The following WDR70 variants were observed in gnomAD, a reference collection of about 807,000 sequenced individuals.
WDR70 encodes the protein WD repeat domain 70.
WDR70 carries 53 observed loss-of-function variants against 88.6 expected under a neutral mutation model. The observed-to-expected ratio is 0.60, with a 90% CI of 0.48 to 0.75. WDR70 has a LOEUF of 0.75. Ranked by LOEUF, WDR70 falls within the 30% of genes least tolerant of loss-of-function variation. The probability of loss-of-function intolerance (pLI) is 0.00; values close to 1 mark genes in which losing one functional copy is unlikely to be tolerated. For missense variants in WDR70, 610 were observed against 823.2 expected, an observed-to-expected ratio of 0.74 and a Z score of 3.17; for synonymous variants, 280 against 270.0, an observed-to-expected ratio of 1.04 and a Z score of -0.36.
chr5:37,606,803 ACAAAT>A (rs1170297310), intron 10 of WDR70, among the ~76,000 whole-genome samples: 2 of 151,504 alleles, frequency 1.3e-5, no homozygotes, highest in African/African-American at 4.9e-5. Flanking sequence ...TCAACTGGAA[ACAAAT>A]CAAGTTGAAA....
chr5:37,420,192 C>T (rs1456699735), intron 5 of WDR70, among the ~76,000 whole-genome samples: 1 of 151,696 alleles, frequency 6.6e-6, no homozygotes, highest in Non-Finnish European at 1.5e-5. Context: ...GACCCAGTCT[C>T]TACAAAATAA....
intron 6 of WDR70, among the ~76,000 whole-genome samples, chr5:37,441,682 G>A (rs2112049195): frequency 6.6e-6 from 1 of 152,136 alleles, no homozygotes; most frequent in East Asian, 1.9e-4. Context: ...GCTGGGCGTG[G>A]TGCTACGTGC....
chr5:37,488,483 T>C (rs1358310632), intron 8 of WDR70, among the ~76,000 whole-genome samples: 1 of 142,884 alleles, frequency 7.0e-6, no homozygotes, highest in African/African-American at 2.6e-5. Flanking sequence ...AGGCTTTCTT[T>C]ATTCTTTTTT....
At chr5:37,654,775 CT>C (rs1009091041) in intron 10 of WDR70, among the ~76,000 whole-genome samples, 3 of 152,024 alleles carry the variant, frequency 2.0e-5, no homozygotes, top group Non-Finnish European at 2.9e-5. Context: ...GCAGCCCCTG[CT>C]TTTTTTGGCT....
chr5:37,582,571 A>ATAG, intron 9 of WDR70, among the ~76,000 whole-genome samples: 1 of 152,340 alleles, frequency 6.6e-6, no homozygotes, highest in South Asian at 2.1e-4. Context: ...TGCTACTACT[A>ATAG]ACTGTGTCAC....
At chr5:37,563,126 G>A (rs1267929924) in intron 9 of WDR70, among the ~76,000 whole-genome samples, 8 of 67,508 alleles carry the variant, frequency 1.2e-4, no homozygotes, top group African/African-American at 3.4e-4. Flanking sequence ...TGGGCGGGGG[G>A]CTGACCTCCC....
intron 17 of WDR70, among the ~76,000 whole-genome samples, chr5:37,741,003 A>G (rs1748456231): frequency 6.6e-6 from 1 of 152,200 alleles, no homozygotes; most frequent in Non-Finnish European, 1.5e-5. Context: ...ATCTAATAAA[A>G]ACCTAGATTT....
At chr5:37,430,346 A>G (rs2112019503) in intron 5 of WDR70, among the ~76,000 whole-genome samples, 1 of 152,286 alleles carries the variant, frequency 6.6e-6, no homozygotes, top group Non-Finnish European at 1.5e-5. Flanking sequence ...GTAGTTAAAG[A>G]TTTGTATATC....
chr5:37,608,320 G>GT (rs779685441), intron 10 of WDR70, among the ~76,000 whole-genome samples: 3 of 151,986 alleles, frequency 2.0e-5, no homozygotes, highest in Non-Finnish European at 2.9e-5. Flanking sequence ...GATTACAGGC[G>GT]TGAGCCACCA....
intron 5 of WDR70, among the ~76,000 whole-genome samples, chr5:37,433,436 C>G (rs1750374585): frequency 6.6e-6 from 1 of 152,132 alleles, no homozygotes; most frequent in South Asian, 2.1e-4. Context: ...TGTATACAGC[C>G]TGATTTGGAA....
At chr5:37,705,695 A>G (rs1225215100) in intron 13 of WDR70, among the ~76,000 whole-genome samples, 1 of 152,196 alleles carries the variant, frequency 6.6e-6, no homozygotes, top group African/African-American at 2.4e-5. Context: ...CTTTGCTAGA[A>G]GAGCCAAAAG....
intron 7 of WDR70, among the ~76,000 whole-genome samples, chr5:37,466,651 A>T (rs6880207): frequency 0.44 from 63,907 of 146,376 alleles, 15,314 homozygotes; most frequent in Non-Finnish European, 0.54. Flanking sequence ...GTTTGCAGTA[A>T]GCCGAGATGG....
intron 9 of WDR70, among the ~76,000 whole-genome samples, chr5:37,522,854 G>T (rs545256601): frequency 1.3e-5 from 2 of 152,162 alleles, no homozygotes; most frequent in Middle Eastern, 3.2e-3. Context: ...GGCTCAGAGG[G>T]TCCTGTGCCC....
chr5:37,448,488 G>T (rs1738569122), intron 7 of WDR70, among the ~76,000 whole-genome samples: 1 of 152,084 alleles, frequency 6.6e-6, no homozygotes, highest in South Asian at 2.1e-4. Context: ...ATGTATTCAT[G>T]CATATATGTG....
At chr5:37,471,303 A>G (rs1739318882) in intron 7 of WDR70, among the ~76,000 whole-genome samples, 1 of 152,106 alleles carries the variant, frequency 6.6e-6, no homozygotes, top group Admixed American at 6.5e-5. Context: ...TTTAAATTTT[A>G]GTCATTTTGG....
chr5:37,582,972 T>C (rs1743261999), intron 9 of WDR70, among the ~76,000 whole-genome samples: 1 of 152,262 alleles, frequency 6.6e-6, no homozygotes, highest in Admixed American at 6.5e-5. Flanking sequence ...CTTGCTCTGT[T>C]GATCCTAGTA....
chr5:37,419,034 G>C, intron 5 of WDR70, among the ~76,000 whole-genome samples: 1 of 143,108 alleles, frequency 7.0e-6, no homozygotes, highest in South Asian at 2.1e-4. Context: ...AAAGTGCTGG[G>C]ATTACAGGTG....
intron 5 of WDR70, among the ~76,000 whole-genome samples, chr5:37,409,769 G>A (rs1046334337): frequency 6.6e-6 from 1 of 152,054 alleles, no homozygotes; most frequent in Admixed American, 6.5e-5. Flanking sequence ...GCCTCCCAAA[G>A]TGCTGGGATT....
chr5:37,725,968 C>G (rs1022615676), intron 16 of WDR70, among the ~76,000 whole-genome samples: 3 of 152,118 alleles, frequency 2.0e-5, no homozygotes, highest in African/African-American at 4.8e-5. Flanking sequence ...TTCTTTCCTG[C>G]TCTGATCTTT....
Sources: allele counts gnomAD v4.1 joint callset (sites outside exome capture counted in the v4.1 genomes callset), GRCh38; gene constraint gnomAD v4.1.1; transcripts MANE v1.5; gene names NCBI Gene and HGNC (gene_info 2026-07-23, HGNC 2026-07-21).